Variants in IGF2BP2 observed in about 807,000 individuals in gnomAD.
The protein encoded by IGF2BP2 is insulin like growth factor 2 mRNA binding protein 2.
Under a neutral mutation model 75.8 loss-of-function variants are expected in IGF2BP2, and 17 were observed. The observed-to-expected ratio is 0.22, with a 90% CI of 0.15 to 0.34. The LOEUF is 0.34. IGF2BP2 is among the 10% of genes least tolerant of loss of function. IGF2BP2 has a pLI of 1.00. For missense variants in IGF2BP2, 516 were observed against 772.4 expected (o/e 0.67, Z 3.93); for synonymous variants, 288 against 295.6 (o/e 0.97, Z 0.26).
chr3:185,711,526 A>T (rs1024867035), intron 2 of IGF2BP2, among the ~76,000 whole-genome samples: 5 of 152,102 alleles, frequency 3.3e-5, no homozygotes, highest in African/African-American at 1.2e-4. Flanking sequence ...TCACTTCCTG[A>T]GTTTTCATCG....
intron 2 of IGF2BP2, among the ~76,000 whole-genome samples, chr3:185,794,924 G>T (rs1193398885): frequency 6.6e-6 from 1 of 151,436 alleles, no homozygotes; most frequent in Admixed American, 6.6e-5. Flanking sequence ...TTGAGGCGGA[G>T]TCTCACTCTG....
chr3:185,677,044 G>GATATATATTT (rs1199843330), intron 7 of IGF2BP2, among the ~76,000 whole-genome samples: 3 of 23,860 alleles, frequency 1.3e-4, no homozygotes, highest in African/African-American at 2.2e-4. Context: ...TATATATGGA[G>GATATATATTT]ATATATATAT....
At chr3:185,698,444 T>C in intron 2 of IGF2BP2, 97 bp from the exon 3 acceptor site, 1 of 1,110,964 alleles carries the variant, frequency 9.0e-7, no homozygotes. Context: ...GAATTTGTTT[T>C]CTCACTGTGT....
chr3:185,708,456 A>G (rs1273234967), intron 2 of IGF2BP2, among the ~76,000 whole-genome samples: 1 of 152,138 alleles, frequency 6.6e-6, no homozygotes, highest in Admixed American at 6.5e-5. Context: ...TCACTGTGAT[A>G]GCTCACTCTT....
chr3:185,721,360 C>T (rs969061188), intron 2 of IGF2BP2, among the ~76,000 whole-genome samples: 2 of 152,032 alleles, frequency 1.3e-5, no homozygotes, highest in African/African-American at 4.8e-5. Flanking sequence ...CACCACAATG[C>T]CCAGCTAATT....
At chr3:185,692,374 C>G (rs967026353) in intron 5 of IGF2BP2, among the ~76,000 whole-genome samples, 8 of 152,174 alleles carry the variant, frequency 5.3e-5, no homozygotes, top group African/African-American at 1.7e-4. Flanking sequence ...GCCCTCTATT[C>G]CCGATCATGT....
At chr3:185,824,305 G>A (rs982240345) in intron 1 of IGF2BP2, among the ~76,000 whole-genome samples, 3 of 151,616 alleles carry the variant, frequency 2.0e-5, no homozygotes, top group Non-Finnish European at 4.4e-5. Context: ...CAGAGGGCGA[G>A]AGGTTCTGGG....
chr3:185,739,267 T>A (rs887074990), intron 2 of IGF2BP2, among the ~76,000 whole-genome samples: 1 of 152,170 alleles, frequency 6.6e-6, no homozygotes, highest in African/African-American at 2.4e-5. Flanking sequence ...AGCCCAAACA[T>A]CACTGCTGGT....
At chr3:185,707,645 A>C (rs1187842766) in intron 2 of IGF2BP2, among the ~76,000 whole-genome samples, 1 of 152,102 alleles carries the variant, frequency 6.6e-6, no homozygotes, top group African/African-American at 2.4e-5. Context: ...AACTATGTGA[A>C]CTGAAGGAAG....
rs1713307650 is a variant in IGF2BP2, at chr3:185,645,241, T to A, written c.*290A>T. 1.0e-5 allele frequency: 5 copies of A among 482,478 alleles called. No individual in the cohort carries two copies. The Admixed American group carries it at 1.7e-4, about 16-fold the overall frequency. 29.9% of individuals were successfully genotyped at this position (482,478 alleles called of 1,614,324 possible). ...CTAAAAGGGATAGCGTCGTGGGAGT[T>A]CAGGAGAGATCCGAGTGGATGGTGA... On this transcript the variant is annotated 3_prime_UTR_variant, in exon 16 of 16. Coordinates refer to ENST00000382199, the MANE Select transcript of IGF2BP2 (RefSeq NM_006548.6). This position sits in a 1 kb window ranked among gnomAD's most constrained non-coding sequence, Gnocchi z 4.9.
intron 2 of IGF2BP2, among the ~76,000 whole-genome samples, chr3:185,761,072 C>CT (rs2149693068): frequency 6.6e-6 from 1 of 152,224 alleles, no homozygotes; most frequent in East Asian, 1.9e-4. Flanking sequence ...CTGGTACTAT[C>CT]TTATCATGTC....
At chr3:185,672,270 G>C (rs967212989) in intron 10 of IGF2BP2, among the ~76,000 whole-genome samples, 1 of 152,054 alleles carries the variant, frequency 6.6e-6, no homozygotes, top group Non-Finnish European at 1.5e-5. Context: ...TAATAAATTA[G>C]CTTCTAGTTG....
intron 2 of IGF2BP2, among the ~76,000 whole-genome samples, chr3:185,757,434 G>A (rs998959488): frequency 1.3e-5 from 2 of 149,122 alleles, no homozygotes; most frequent in Non-Finnish European, 3.0e-5. Context: ...ATTAAGTATA[G>A]CCCTTGGAGA....
intron 5 of IGF2BP2, 91 bp downstream of exon 5, chr3:185,692,608 T>G (rs909448303): frequency 1.7e-6 from 2 of 1,203,864 alleles, no homozygotes; most frequent in Non-Finnish European, 2.4e-6. Flanking sequence ...GATCTGCATC[T>G]TTTTAGAAAA....
At chr3:185,724,988 A>G (rs759139807) in intron 2 of IGF2BP2, 3 of 152,230 alleles carry the variant, frequency 2.0e-5, no homozygotes, top group Non-Finnish European at 4.4e-5. Flanking sequence ...AGAGCAAGCA[A>G]CACATGGAGA....
chr3:185,682,242 T>C (rs1370783308), intron 7 of IGF2BP2, among the ~76,000 whole-genome samples: 1 of 152,222 alleles, frequency 6.6e-6, no homozygotes, highest in Non-Finnish European at 1.5e-5. Flanking sequence ...TGTTGAAAGA[T>C]AGGACTTTTA....
chr3:185,685,987 T>C (rs185047082), intron 7 of IGF2BP2, among the ~76,000 whole-genome samples: 2 of 152,342 alleles, frequency 1.3e-5, no homozygotes, highest in East Asian at 3.9e-4. Flanking sequence ...TCACCACTCA[T>C]TCATTTATAA....
At chr3:185,715,593 T>C (rs971952601) in intron 2 of IGF2BP2, among the ~76,000 whole-genome samples, 1 of 152,184 alleles carries the variant, frequency 6.6e-6, no homozygotes, top group Non-Finnish European at 1.5e-5. Flanking sequence ...GCTGTCTATA[T>C]CCCACCATCA....
intron 2 of IGF2BP2, among the ~76,000 whole-genome samples, chr3:185,733,229 G>C (rs1013275297): frequency 6.6e-6 from 1 of 152,154 alleles, no homozygotes; most frequent in Non-Finnish European, 1.5e-5. Flanking sequence ...AAAATGTAAA[G>C]TGATTGATAA....
Sources: allele counts gnomAD v4.1 joint callset (sites outside exome capture counted in the v4.1 genomes callset), GRCh38; gene constraint gnomAD v4.1.1; non-coding constraint Gnocchi (gnomAD v3.1); transcripts MANE v1.5; gene names NCBI Gene and HGNC (gene_info 2026-07-23, HGNC 2026-07-21).